The following SUSD1 variants were observed in gnomAD, a reference collection of about 807,000 sequenced individuals.
SUSD1 encodes sushi domain-containing protein 1.
Under a neutral mutation model 86.9 loss-of-function variants are expected in SUSD1, and 65 were observed. The observed-to-expected ratio is 0.75, with a 90% CI of 0.61 to 0.92. SUSD1 has a LOEUF of 0.92. SUSD1 is among the 40% of genes least tolerant of loss of function. The pLI is 0.00. For missense variants in SUSD1, 850 were observed against 929.7 expected (o/e 0.91, Z 1.11); for synonymous variants, 346 against 350.0 (o/e 0.99, Z 0.13).
intron 10 of SUSD1, among the ~76,000 whole-genome samples, chr9:112,093,285 T>C (rs2131593974): frequency 6.6e-6 from 1 of 152,268 alleles, no homozygotes; most frequent in East Asian, 1.9e-4. Context: ...TTCCAAGTAA[T>C]AAGTTCATAT....
At chr9:112,133,495 GGGATA>G (rs1454266763) in intron 5 of SUSD1, among the ~76,000 whole-genome samples, 5 of 152,222 alleles carry the variant, frequency 3.3e-5, no homozygotes, top group Admixed American at 3.3e-4. Flanking sequence ...AAATGGTGCT[GGGATA>G]GCTGGCTAGC....
chr9:112,060,512 A>G (rs75187057), intron 13 of SUSD1, among the ~76,000 whole-genome samples: 5,054 of 152,268 alleles, frequency 0.033, 265 homozygotes, highest in African/African-American at 0.11. Context: ...AGCTGGGGGA[A>G]GTTGTTGCAC....
chr9:112,157,450 T>A (rs1456463027), intron 2 of SUSD1, 50 bp downstream of exon 2: 1 of 1,322,004 alleles, frequency 7.6e-7, no homozygotes, highest in Non-Finnish European at 1.1e-6. Flanking sequence ...TACAAGAGAA[T>A]CTTGTTTCTC....
At chr9:112,082,011 G>C (rs1288175386) in intron 10 of SUSD1, among the ~76,000 whole-genome samples, 2 of 152,128 alleles carry the variant, frequency 1.3e-5, no homozygotes, top group African/African-American at 4.8e-5. Flanking sequence ...CAGTGGTAAA[G>C]CAATTAAGCA....
chr9:112,121,082 C>T lies in SUSD1; in HGVS notation c.886+3175G>A, dbSNP rs115095999. Among the ~76,000 whole-genome samples, 1,112 of 152,306 alleles carry T rather than the reference C, an allele frequency of 7.3e-3. 11 individuals carry two copies. The highest frequency in any genetic ancestry group is 0.026 in the African/African-American group (1,067 of 41,552). The stretch of plus-strand genomic sequence containing the variant: ...GTCTAGTCCAGCGTGGCATTAGCTC[C>T]AATTATTAAGACTGGACCCCCCTAG... On this transcript the variant is annotated intron_variant, in intron 6 of 16. Coordinates refer to ENST00000374270, the MANE Select transcript of SUSD1 (RefSeq NM_022486.5).
chr9:112,058,184 A>T (rs964695518), intron 14 of SUSD1, among the ~76,000 whole-genome samples: 1 of 137,004 alleles, frequency 7.3e-6, no homozygotes, highest in East Asian at 1.9e-4. Context: ...GTAAAGCTTA[A>T]GAGTAAAAAC....
chr9:112,041,534 C>T lies in SUSD1; in HGVS notation c.*-42G>A, dbSNP rs994143608. On this transcript the variant is annotated intron_variant, in intron 16 of 16. Coordinates refer to ENST00000374270, the MANE Select transcript of SUSD1 (RefSeq NM_022486.5). ...AAAAGAAAAGAGACAAATATGAACA[C>T]ACTTTGGTTTTCCCACTGTGCATCT... 3 of 780,914 alleles carry T rather than the reference C, an allele frequency of 3.8e-6. No homozygotes were observed. The South Asian group carries it at 4.0e-5, about 10-fold the overall frequency. The allele number at this position is 780,914 out of a possible 1,614,324, so 48.4% of individuals were successfully genotyped here. A position where few individuals can be genotyped will look rare whatever the true frequency, so the allele number is the denominator to read the frequency against.
At position 112,111,800 on chromosome 9, in the gene SUSD1, A is replaced by G. The variant is rs1216612137; in HGVS notation, c.1025T>C (p.Val342Ala). 1 of 1,613,890 alleles carries G rather than the reference A, an allele frequency of 6.2e-7. No homozygotes were observed. Residue 342 changes from valine (V) to alanine (A), a missense_variant, in exon 8 of 17, where the codon GTT (valine) becomes GCT (alanine). Val to Ala is a moderately conservative substitution (Grantham distance 64). Transcript: ENST00000374270. Reference sequence around the variant, plus strand: ...GGTCAAGTTGACTGTCTCCTCACGAACTGATTCCATAGGGTCCAACCGTTG... The same window carrying G: ...GGTCAAGTTGACTGTCTCCTCACGAGCTGATTCCATAGGGTCCAACCGTTG... ...KGQRLDPMES[V>A]REETVNLTTD...
chr9:112,064,051 G>GC (rs1463004889), intron 12 of SUSD1, among the ~76,000 whole-genome samples: 1 of 141,160 alleles, frequency 7.1e-6, no homozygotes, highest in African/African-American at 2.6e-5. Context: ...TTTTTTGGGG[G>GC]GGGGGCGGGT....
At chr9:112,117,573 A>T (rs1281459419) in intron 6 of SUSD1, among the ~76,000 whole-genome samples, 2 of 152,208 alleles carry the variant, frequency 1.3e-5, no homozygotes, top group African/African-American at 4.8e-5. Context: ...ATATAGATGT[A>T]CATAATGTTA....
Position 112,125,521 on chromosome 9 carries a change from A to G in SUSD1, c.707-1085T>C, listed in dbSNP as rs41329052. 9.2e-3 allele frequency among the ~76,000 whole-genome samples: 1,371 copies of G among 148,360 alleles called. 41 individuals are homozygous for G. Among genetic ancestry groups the G allele is most frequent in the East Asian group, 0.072 (363 of 5,050 alleles). ...AATTTCAAGTGTCACCAATAGTCCC[A>G]GTTATACCTAAACGCAGAAAGAAAA... On this transcript the variant is annotated intron_variant, in intron 5 of 16. Transcript: ENST00000374270.
chr9:112,042,264 T>C (rs1193718176), intron 15 of SUSD1: 1 of 1,053,188 alleles, frequency 9.5e-7, no homozygotes, highest in African/African-American at 1.6e-5. Context: ...GTTACATTTT[T>C]TGTTGGTCCT....
intron 10 of SUSD1, among the ~76,000 whole-genome samples, chr9:112,081,656 A>G (rs1415183802): frequency 1.3e-5 from 2 of 152,236 alleles, no homozygotes; most frequent in African/African-American, 4.8e-5. Flanking sequence ...ATAATCCACA[A>G]TGCCCGACCT....
intron 14 of SUSD1, among the ~76,000 whole-genome samples, chr9:112,054,418 C>A (rs1276375481): frequency 6.6e-6 from 1 of 151,998 alleles, no homozygotes; most frequent in Non-Finnish European, 1.5e-5. Flanking sequence ...GACCCCATCT[C>A]TACAAATAAT....
chr9:112,059,652 AATTGTGGACAG>A (rs1828623847), intron 13 of SUSD1, among the ~76,000 whole-genome samples: 1 of 152,204 alleles, frequency 6.6e-6, no homozygotes, highest in African/African-American at 2.4e-5. Context: ...ACTGTTCCCC[AATTGTGGACAG>A]AAAAACACAC....
In SUSD1 at chr9:112,098,595, G is replaced by T; in HGVS notation, c.1349C>A (p.Thr450Lys). ...FSHATSFNFT[T>K]REQVPVVCLD... ...ACACACTACAGGCACTTGTTCCCTC[G>T]TTGTGAAGTTAAACGATGTTGCATG... Residue 450 changes from threonine (T) to lysine (K), a missense_variant, in exon 10 of 17, where the codon ACG (threonine) becomes AAG (lysine). Physicochemically the swap from Thr to Lys is moderately conservative, Grantham distance 78. Transcript: ENST00000374270. 1 of 1,614,158 alleles carries T rather than the reference G, an allele frequency of 6.2e-7. No homozygotes were observed. Among genetic ancestry groups the T allele is most frequent in the Middle Eastern group, 1.6e-4 (1 of 6,062 alleles).
chr9:112,073,577 T>C (rs1445837500), intron 12 of SUSD1, among the ~76,000 whole-genome samples: 1 of 135,036 alleles, frequency 7.4e-6, no homozygotes, highest in Non-Finnish European at 1.5e-5. Context: ...CCTACAAAGC[T>C]TTTAGACTTA....
intron 9 of SUSD1, among the ~76,000 whole-genome samples, chr9:112,100,503 T>C (rs868758275): frequency 5.3e-5 from 8 of 151,982 alleles, no homozygotes; most frequent in Middle Eastern, 6.8e-3. Context: ...ACTTACTTTC[T>C]ATGACTCAGT....
chr9:112,168,617 A>G (rs1213174622), intron 1 of SUSD1, among the ~76,000 whole-genome samples: 1 of 152,214 alleles, frequency 6.6e-6, no homozygotes, highest in Non-Finnish European at 1.5e-5. Context: ...CTTTAATAGT[A>G]CAGTAAAGAG....
Sources: allele counts gnomAD v4.1 joint callset (sites outside exome capture counted in the v4.1 genomes callset), GRCh38; gene constraint gnomAD v4.1.1; transcripts MANE v1.5; gene names NCBI Gene and HGNC (gene_info 2026-07-23, HGNC 2026-07-21).